Variants in KIFC1 observed in about 807,000 individuals in gnomAD.
KIFC1 encodes the protein kinesin family member C1, also known as kinesin-like protein KIFC1.
KIFC1 carries 37 observed loss-of-function variants against 66.6 expected under a neutral mutation model. The ratio of observed to expected loss-of-function variants is 0.56; its 90% CI spans 0.43 to 0.73. KIFC1 has a LOEUF of 0.73. KIFC1 is among the 30% of genes least tolerant of loss of function. KIFC1 has a pLI of 0.00. For missense variants in KIFC1, 721 were observed against 859.8 expected (o/e 0.84, Z 2.02); for synonymous variants, 325 against 343.5 (o/e 0.95, Z 0.60).
At position 33,398,053 on chromosome 6, in the gene KIFC1, G is replaced by A; in HGVS notation, c.37G>A (p.Gly13Arg). ...GAGGTCCCCCCTATTGGAAGTAAAGGGGAACATAGAACTGAAGAGACCTCT... is the reference window on the plus strand; with the variant it reads ...GAGGTCCCCCCTATTGGAAGTAAAGAGGAACATAGAACTGAAGAGACCTCT... ...PQRSPLLEVKGNIELKRPLIK... is the reference protein window; with the variant it reads ...PQRSPLLEVKRNIELKRPLIK... Residue 13 changes from glycine (G) to arginine (R), a missense_variant, in exon 2 of 11, where the codon GGG (glycine) becomes AGG (arginine). Gly to Arg is a moderately radical substitution (Grantham distance 125). Transcript: ENST00000428849. 1 of 1,614,024 alleles carries A rather than the reference G, an allele frequency of 6.2e-7. No homozygotes were observed. Among genetic ancestry groups the A allele is most frequent in the Non-Finnish European group, 8.5e-7 (1 of 1,179,988 alleles).
chr6:33,400,479 A>G lies in KIFC1; in HGVS notation c.250+2092A>G, dbSNP rs541874823. ...GGGGGCCGATCTTGGGGGCCAGGGC[A>G]GAAGTGGCACCGACTTCACCTCTGG... On this transcript the variant is annotated intron_variant, in intron 3 of 10. Coordinates refer to ENST00000428849, the MANE Select transcript of KIFC1 (RefSeq NM_002263.4). This position sits in a 1 kb window ranked among gnomAD's most constrained non-coding sequence, Gnocchi z 4.3. The G allele has an allele frequency of 3.0e-4, 483 of 1,601,992 alleles. 5 individuals carry two copies. The Admixed American group carries it at 7.9e-3, about 26-fold the overall frequency.
rs759712195 is a variant in KIFC1, at chr6:33,406,399, C to T, written c.1740C>T (p.Pro580=). 34 of 1,610,582 alleles carry T rather than the reference C, an allele frequency of 2.1e-5. No homozygotes were observed. Among genetic ancestry groups the T allele is most frequent in the Admixed American group, 1.8e-4 (11 of 59,798 alleles). ...ERLDPGLALG[P]GERERLRETQ... is the part of the protein sequence containing the mutation. ...TTGACCCCGGCTTAGCCCTCGGCCC[C>T]GGGGAGCGGGAACGCCTTCGGGAAA... Residue 580 remains proline, a synonymous_variant, in exon 8 of 11, where the codon CCC becomes CCT. Coordinates refer to ENST00000428849, the MANE Select transcript of KIFC1 (RefSeq NM_002263.4). The surrounding 1 kb of genome is among the most constrained non-coding windows in gnomAD (Gnocchi z 4.5).
chr6:33,406,801 C>T lies in KIFC1; in HGVS notation c.1903C>T (p.Leu635Phe). The change falls in exon 10 of 11, where the codon CTC becomes TTC. Residue 635 changes from leucine to phenylalanine, a missense_variant and splice_region_variant. Transcript: ENST00000428849. This position sits in a 1 kb window ranked among gnomAD's most constrained non-coding sequence, Gnocchi z 4.5. Reference sequence around the variant, plus strand: ...GTTGGGCACATTGTCTTTTCATAGGCTCATGTTTGTGAACATTTCTCCACT... The same window carrying T: ...GTTGGGCACATTGTCTTTTCATAGGTTCATGTTTGTGAACATTTCTCCACT... ...QNSLGGSAKM[L>F]MFVNISPLEE... 6.2e-7 allele frequency: 1 copy of T among 1,614,106 alleles called. No individual in the cohort carries two copies. Among genetic ancestry groups the T allele is most frequent in the Non-Finnish European group, 8.5e-7 (1 of 1,180,004 alleles).
chr6:33,396,368 A>C (rs1159738497), intron 1 of KIFC1, among the ~76,000 whole-genome samples: 1 of 151,978 alleles, frequency 6.6e-6, no homozygotes, highest in Non-Finnish European at 1.5e-5. Context: ...AATAAACAAA[A>C]AACAACTCTT....
Position 33,400,772 on chromosome 6 carries a change from G to A in KIFC1, c.250+2385G>A, listed in dbSNP as rs910835553. ...CGCCATTTTCCTGCCTCAGCCTTCC[G>A]CGTAGCTGGGACTACAGGCGCCCTC... On this transcript the variant is annotated intron_variant, in intron 3 of 10. Transcript: ENST00000428849. The surrounding 1 kb of genome is among the most constrained non-coding windows in gnomAD (Gnocchi z 4.3). Among the ~76,000 whole-genome samples, 4 of 151,968 alleles carry A rather than the reference G, an allele frequency of 2.6e-5. No individual in the cohort carries two copies. The highest frequency in any genetic ancestry group is 4.8e-5 in the African/African-American group (2 of 41,388).
Position 33,405,396 on chromosome 6 carries a change from T to C in KIFC1, c.1301T>C (p.Ile434Thr). ...PGGDPQLEGL[I>T]PRALRHLFSV... ...GGAGACCCCCAGTTGGAGGGGCTGA[T>C]CCCTCGGGCCCTGCGGCACCTCTTC... is the stretch of plus-strand genomic sequence containing the variant. Residue 434 changes from isoleucine (I) to threonine (T), a missense_variant, in exon 7 of 11, where the codon ATC becomes ACC. Transcript: ENST00000428849. The surrounding 1 kb of genome is among the most constrained non-coding windows in gnomAD (Gnocchi z 5.4). 1.2e-6 allele frequency: 2 copies of C among 1,607,432 alleles called. No homozygotes were observed. The highest frequency in any genetic ancestry group is 1.7e-6 in the Non-Finnish European group (2 of 1,175,454).
Position 33,406,393 on chromosome 6 carries a change from C to T in KIFC1, c.1734C>T (p.Leu578=), listed in dbSNP as rs774299603. The T allele has an allele frequency of 2.7e-5, 44 of 1,611,968 alleles. No homozygotes were observed. The highest frequency in any genetic ancestry group is 1.3e-4 in the South Asian group (12 of 90,982). The change falls in exon 8 of 11, where the codon CTC becomes CTT. Residue 578 remains leucine (L), a synonymous_variant. Coordinates refer to ENST00000428849, the MANE Select transcript of KIFC1 (RefSeq NM_002263.4). The surrounding 1 kb of genome is among the most constrained non-coding windows in gnomAD (Gnocchi z 4.5). ...GSERLDPGLA[L]GPGERERLRE... ...AGCGACTTGACCCCGGCTTAGCCCT[C>T]GGCCCCGGGGAGCGGGAACGCCTTC...
Position 33,404,443 on chromosome 6 carries a change from C to CT in KIFC1, c.756+317dup, listed in dbSNP as rs1201064676. 6.6e-6 allele frequency among the ~76,000 whole-genome samples: 1 copy of CT among 152,214 alleles called. No homozygotes were observed. Among genetic ancestry groups the CT allele is most frequent in the Admixed American group, 6.5e-5 (1 of 15,284 alleles). On this transcript the variant is annotated intron_variant, in intron 6 of 10. Coordinates refer to ENST00000428849, the MANE Select transcript of KIFC1 (RefSeq NM_002263.4). The surrounding 1 kb of genome is among the most constrained non-coding windows in gnomAD (Gnocchi z 4.0). ...TGATCACAAATTCCTGTGGTACTCT[C>CT]TTTCCCTCCTCCCATGTCCACTTGA...
chr6:33,396,651 C>T (rs1775056500), intron 1 of KIFC1, among the ~76,000 whole-genome samples: 1 of 151,158 alleles, frequency 6.6e-6, no homozygotes, highest in Non-Finnish European at 1.5e-5. Context: ...TCTAGAATAG[C>T]CCCTTTCAAC....
intron 10 of KIFC1, chr6:33,407,196 C>A: frequency 3.2e-6 from 2 of 619,604 alleles, no homozygotes; most frequent in Non-Finnish European, 4.8e-6. Flanking sequence ...ATTGCTTGAG[C>A]CCAGGAGTTT....
At chr6:33,397,296 C>CTT (rs9280438) in intron 1 of KIFC1, among the ~76,000 whole-genome samples, 2,504 of 102,602 alleles carry the variant, frequency 0.024, 90 homozygotes, top group African/African-American at 0.028. Context: ...TTCTAATGCC[C>CTT]TTTTTTTTTT....
chr6:33,409,160 C>G (rs1314250275), intron 10 of KIFC1, among the ~76,000 whole-genome samples: 4 of 152,068 alleles, frequency 2.6e-5, no homozygotes, highest in African/African-American at 9.7e-5. Flanking sequence ...AGCAAGACTC[C>G]GTCTCAACAA....
At chr6:33,393,664 A>G (rs985044366) in intron 1 of KIFC1, among the ~76,000 whole-genome samples, 4 of 150,120 alleles carry the variant, frequency 2.7e-5, no homozygotes, top group African/African-American at 7.4e-5. Context: ...CTGGTCTGGA[A>G]CTAACTCCTG....
At chr6:33,407,838 A>G (rs1775730332) in intron 10 of KIFC1, among the ~76,000 whole-genome samples, 1 of 152,188 alleles carries the variant, frequency 6.6e-6, no homozygotes, top group Non-Finnish European at 1.5e-5. Flanking sequence ...CTGCCTCCAC[A>G]GTAATTTTTT....
At chr6:33,408,593 A>G (rs534717202) in intron 10 of KIFC1, among the ~76,000 whole-genome samples, 2 of 152,360 alleles carry the variant, frequency 1.3e-5, no homozygotes, top group African/African-American at 2.4e-5. Context: ...CTGAAATTCA[A>G]TTCATACAGG....
In KIFC1 at chr6:33,409,750, T is replaced by TGTGTGTGTGTGTGTGG; in HGVS notation, c.*64_*65insGTGTGTGTGTGGGTGT. The TGTGTGTGTGTGTGTGG allele has an allele frequency of 7.0e-7, 1 of 1,433,172 alleles. No individual in the cohort carries two copies. 88.8% of individuals were successfully genotyped at this position (1,433,172 alleles called of 1,614,324 possible). ...GTGTGTGTGTGTGTGTGTGTGTGTG[T>TGTGTGTGTGTGTGTGG]GTGTCCCTATGTCTATGTATCGGGT... On this transcript the variant is annotated 3_prime_UTR_variant, in exon 11 of 11. Transcript: ENST00000428849.
intron 1 of KIFC1, among the ~76,000 whole-genome samples, chr6:33,394,959 G>C (rs552450186): frequency 6.6e-6 from 1 of 152,034 alleles, no homozygotes; most frequent in South Asian, 2.1e-4. Context: ...CTGCCAGTGA[G>C]GTAAGAAAGA....
intron 1 of KIFC1, among the ~76,000 whole-genome samples, chr6:33,393,652 G>A (rs1232013723): frequency 6.6e-6 from 1 of 151,168 alleles, no homozygotes; most frequent in Admixed American, 6.6e-5. Context: ...ATGTTGCCCA[G>A]GCTGGTCTGG....
chr6:33,396,431 CTTTTCTTTTTTTTTT>C (rs1168748751), intron 1 of KIFC1, among the ~76,000 whole-genome samples: 1 of 128,186 alleles, frequency 7.8e-6, no homozygotes. Flanking sequence ...TCTTTCTTTT[CTTTTCTTTTTTTTTT>C]TTTTTTTTTG....
Sources: allele counts gnomAD v4.1 joint callset (sites outside exome capture counted in the v4.1 genomes callset), GRCh38; gene constraint gnomAD v4.1.1; non-coding constraint Gnocchi (gnomAD v3.1); transcripts MANE v1.5; gene names NCBI Gene and HGNC (gene_info 2026-07-23, HGNC 2026-07-21).